The following CCNYL1 variants were observed in gnomAD, a reference collection of about 807,000 sequenced individuals.
The protein encoded by CCNYL1 is cyclin Y like 1, also known as cyclin-Y-like protein 1.
A neutral mutation model predicts 44.2 loss-of-function variants in CCNYL1; 16 were observed. The observed-to-expected ratio is 0.36, with a 90% CI of 0.25 to 0.55. The LOEUF is 0.55. Ranked by LOEUF, CCNYL1 falls within the 20% of genes least tolerant of loss-of-function variation. CCNYL1 has a pLI of 0.85. For missense variants in CCNYL1, 348 were observed against 451.8 expected (o/e 0.77, Z 2.08); for synonymous variants, 159 against 163.2 (o/e 0.97, Z 0.20).
At chr2:207,727,296 A>G (rs1040852356) in intron 3 of CCNYL1, among the ~76,000 whole-genome samples, 4 of 152,028 alleles carry the variant, frequency 2.6e-5, no homozygotes, top group African/African-American at 9.7e-5. Flanking sequence ...TCTCCCATAT[A>G]TATCACATTT....
At chr2:207,713,418 A>T (rs575770515) in intron 1 of CCNYL1, among the ~76,000 whole-genome samples, 8 of 152,224 alleles carry the variant, frequency 5.3e-5, no homozygotes, top group Admixed American at 3.9e-4. Flanking sequence ...AAAGATGAGA[A>T]TGTTGGGGTT....
At chr2:207,735,620 C>T (rs2091759024) in intron 4 of CCNYL1, among the ~76,000 whole-genome samples, 1 of 152,160 alleles carries the variant, frequency 6.6e-6, no homozygotes, top group Non-Finnish European at 1.5e-5. Flanking sequence ...AATCCTAGCA[C>T]TTTGGGAGGC....
chr2:207,718,862 G>A (rs1253884983), intron 1 of CCNYL1, among the ~76,000 whole-genome samples: 1 of 152,028 alleles, frequency 6.6e-6, no homozygotes, highest in Non-Finnish European at 1.5e-5. Flanking sequence ...AATAACATGT[G>A]CATAAGGTTT....
chr2:207,724,732 GTATC>G (rs2091666825), intron 1 of CCNYL1, 64 bp from the exon 2 acceptor site: 1 of 1,076,446 alleles, frequency 9.3e-7, no homozygotes, highest in Non-Finnish European at 1.4e-6. Flanking sequence ...AAATGGATGT[GTATC>G]TATTTCAGAA....
chr2:207,737,415 A>C lies in CCNYL1; in HGVS notation c.436A>C (p.Thr146Pro). The change falls in exon 5 of 10, where the codon ACC (threonine) becomes CCC (proline). Residue 146 changes from threonine (T) to proline (P), a missense_variant. Physicochemically the swap from Thr to Pro is conservative, Grantham distance 38. Around this residue, in one of 3 missense-constraint regions of CCNYL1, gnomAD observed 209 missense variants for 247.7 expected, o/e 0.84. Coordinates refer to ENST00000295414, the MANE Select transcript of CCNYL1 (RefSeq NM_001330218.2). ...PNLRTTVKCV[T>P]LAIYYHIKNR... is the part of the protein sequence containing the mutation. ...AATTTTTTTTTCCCTTCACAGTGTGACCTTAGCAATATATTACCACATAAA... is the reference window on the plus strand; with the variant it reads ...AATTTTTTTTTCCCTTCACAGTGTGCCCTTAGCAATATATTACCACATAAA... 6.2e-7 allele frequency: 1 copy of C among 1,609,418 alleles called. No homozygotes were observed. The highest frequency in any genetic ancestry group is 8.5e-7 in the Non-Finnish European group (1 of 1,176,516).
intron 4 of CCNYL1, among the ~76,000 whole-genome samples, chr2:207,736,310 C>T (rs934626964): frequency 1.3e-5 from 2 of 152,162 alleles, no homozygotes; most frequent in Admixed American, 1.3e-4. Context: ...TTTGCCTTCC[C>T]TCAATTATTT....
At position 207,742,328 on chromosome 2, in the gene CCNYL1, G is replaced by T. The variant is rs761112096; in HGVS notation, c.625G>T (p.Ala209Ser). Residue 209 changes from alanine to serine, a missense_variant, in exon 7 of 10, where the codon GCA (alanine) becomes TCA (serine). Ala to Ser is a moderately conservative substitution (Grantham distance 99). Transcript: ENST00000295414. ...TGCTGCACAGCTAACAGCTGAATGT[G>T]CAATAGTAACTTTGGTAAGATATTT... ...FSAAQLTAEC[A>S]IVTLVYLERL... 2 of 1,611,150 alleles carry T rather than the reference G, an allele frequency of 1.2e-6. No individual in the cohort carries two copies. The highest frequency in any genetic ancestry group is 3.4e-5 in the Admixed American group (2 of 59,154).
chr2:207,729,093 G>A (rs1051960755), intron 3 of CCNYL1, among the ~76,000 whole-genome samples: 3 of 152,070 alleles, frequency 2.0e-5, no homozygotes, highest in East Asian at 1.9e-4. Context: ...CACCGCACCC[G>A]GCCTAGACCT....
intron 3 of CCNYL1, among the ~76,000 whole-genome samples, chr2:207,727,277 C>T (rs539163651): frequency 5.1e-4 from 77 of 152,088 alleles, no homozygotes; most frequent in African/African-American, 1.8e-3. Context: ...TTATTTTCTT[C>T]CCTCTATTTC....
At position 207,755,547 on chromosome 2, in the gene CCNYL1, T is replaced by A. The variant is rs766970805; in HGVS notation, c.*1849T>A. 2 of 152,262 alleles carry A rather than the reference T, an allele frequency of 1.3e-5. No individual in the cohort carries two copies. Among genetic ancestry groups the A allele is most frequent in the African/African-American group, 4.8e-5 (2 of 41,472 alleles). The allele number at this position is 152,262 out of a possible 1,614,324, so 9.4% of individuals were successfully genotyped here. ...GTTACCCGCAGAGCTGTGCTCTATA[T>A]GCTTTGATTACCGCAGTTTCTTTAA... is the stretch of plus-strand genomic sequence containing the variant. On this transcript the variant is annotated 3_prime_UTR_variant, in exon 10 of 10. Coordinates refer to ENST00000295414, the MANE Select transcript of CCNYL1 (RefSeq NM_001330218.2).
intron 1 of CCNYL1, among the ~76,000 whole-genome samples, chr2:207,716,539 G>A (rs1267112463): frequency 1.3e-5 from 2 of 152,148 alleles, no homozygotes; most frequent in African/African-American, 4.8e-5. Flanking sequence ...GACATCCAGA[G>A]AGTGCTCCAA....
intron 3 of CCNYL1, among the ~76,000 whole-genome samples, chr2:207,727,108 T>G (rs961150113): frequency 7.2e-5 from 11 of 152,232 alleles, no homozygotes; most frequent in Non-Finnish European, 1.2e-4. Flanking sequence ...AATAGTTTGG[T>G]TGTGGTATAA....
intron 1 of CCNYL1, 30 bp from the exon 2 acceptor site, chr2:207,724,770 G>A: frequency 1.3e-6 from 2 of 1,503,042 alleles, no homozygotes; most frequent in Middle Eastern, 1.7e-4. Flanking sequence ...CTCACCTAAA[G>A]TGTCACGTCT....
rs2091817446 is a variant in CCNYL1, at chr2:207,742,217, T to C, written c.520-6T>C. ...GATACTAACATTGCATCTTTTCTTCTTTCAGCGAGAAAAAGTTCCAGAGGA... is the reference window on the plus strand; with the variant it reads ...GATACTAACATTGCATCTTTTCTTCCTTCAGCGAGAAAAAGTTCCAGAGGA... On this transcript the variant is annotated splice_region_variant and splice_polypyrimidine_tract_variant and intron_variant, in intron 6 of 9. Transcript: ENST00000295414. 17 of 1,596,390 alleles carry C rather than the reference T, an allele frequency of 1.1e-5. No homozygotes were observed. The highest frequency in any genetic ancestry group is 1.4e-5 in the Non-Finnish European group (17 of 1,175,342).
At chr2:207,735,741 C>T (rs904215214) in intron 4 of CCNYL1, among the ~76,000 whole-genome samples, 10 of 152,072 alleles carry the variant, frequency 6.6e-5, no homozygotes, top group Admixed American at 4.6e-4. Flanking sequence ...GTGGCGTGCA[C>T]CTGTAATCCC....
intron 3 of CCNYL1, among the ~76,000 whole-genome samples, chr2:207,728,752 T>C (rs2091699183): frequency 6.6e-6 from 1 of 152,174 alleles, no homozygotes; most frequent in Admixed American, 6.5e-5. Context: ...GCCTTCTGTA[T>C]CCCTGAGATC....
chr2:207,742,197 T>C (rs1426549671), intron 6 of CCNYL1, 26 bp from the exon 7 acceptor site: 2 of 1,564,732 alleles, frequency 1.3e-6, no homozygotes, highest in Non-Finnish European at 1.7e-6. Context: ...CAGTGGATAC[T>C]AACATTGCAT....
Position 207,753,915 on chromosome 2 carries a change from C to T in CCNYL1, c.*217C>T. On this transcript the variant is annotated 3_prime_UTR_variant, in exon 10 of 10. Coordinates refer to ENST00000295414, the MANE Select transcript of CCNYL1 (RefSeq NM_001330218.2). Reference sequence around the variant, plus strand: ...ACTCTTCTGTCCTTTTTAATGTAAACAGAGTTACAAAAACCACTCCAAAGT... The same window carrying T: ...ACTCTTCTGTCCTTTTTAATGTAAATAGAGTTACAAAAACCACTCCAAAGT... The T allele has an allele frequency of 2.3e-6, 1 of 430,570 alleles. No individual in the cohort carries two copies. 26.7% of individuals were successfully genotyped at this position (430,570 alleles called of 1,614,324 possible).
chr2:207,712,183 C>G, intron 1 of CCNYL1, 67 bp downstream of exon 1: 1 of 1,377,510 alleles, frequency 7.3e-7, no homozygotes, highest in Non-Finnish European at 9.8e-7. Flanking sequence ...CCAGAGTCCC[C>G]CGGGAGGCAT....
Sources: gnomAD v4.1 joint callset for allele counts (sites outside exome capture counted in the v4.1 genomes callset) on GRCh38, gnomAD v4.1.1 for gene constraint, gnomAD v4.1.1 regional missense constraint, MANE v1.5 for transcripts, NCBI Gene and HGNC (gene_info 2026-07-23, HGNC 2026-07-21) for gene names.